LRPPRC: variants seen among roughly 807,000 people sequenced by gnomAD.
LRPPRC encodes the protein leucine-rich PPR motif-containing protein, mitochondrial.
LRPPRC carries 120 observed loss-of-function variants against 180.3 expected under a neutral mutation model. The observed-to-expected ratio is 0.67, with a 90% CI of 0.57 to 0.77. The LOEUF (loss-of-function observed/expected upper bound fraction) is 0.77, where lower values mean the gene tolerates loss of function less well. LRPPRC is among the 30% of genes least tolerant of loss of function. LRPPRC has a pLI of 0.00. For synonymous variants in LRPPRC, 723 were observed against 600.0 expected, an observed-to-expected ratio of 1.21 and a Z score of -3.00; for missense variants, 2,012 against 1,657.2, an observed-to-expected ratio of 1.21 and a Z score of -3.72.
chr2:43,891,064 G>A (rs1337277214), intron 36 of LRPPRC, among the ~76,000 whole-genome samples: 1 of 152,200 alleles, frequency 6.6e-6, no homozygotes, highest in Non-Finnish European at 1.5e-5. Flanking sequence ...TGGAATGAGG[G>A]TGACTCATCA....
intron 27 of LRPPRC, among the ~76,000 whole-genome samples, chr2:43,919,227 TC>T (rs1671608655): frequency 6.6e-6 from 1 of 152,054 alleles, no homozygotes; most frequent in Admixed American, 6.6e-5. Context: ...AACAGTTTCA[TC>T]CCCAAACCAT....
intron 31 of LRPPRC, chr2:43,904,701 C>CAAAACAAAAAAAA (rs1671005873): frequency 8.6e-6 from 1 of 116,026 alleles, no homozygotes; most frequent in African/African-American, 3.3e-5. Context: ...TCAAAAAAAA[C>CAAAACAAAAAAAA]AAAAACAAAA....
intron 23 of LRPPRC, among the ~76,000 whole-genome samples, chr2:43,943,102 G>A (rs1572949033): frequency 6.6e-6 from 1 of 151,990 alleles, no homozygotes; most frequent in East Asian, 1.9e-4. Flanking sequence ...TTACTAAAAT[G>A]TTTTATTCAT....
intron 14 of LRPPRC, among the ~76,000 whole-genome samples, chr2:43,955,772 T>TTCAC (rs1192253519): frequency 6.6e-6 from 1 of 152,042 alleles, no homozygotes; most frequent in African/African-American, 2.4e-5. Context: ...GAACTACCAA[T>TTCAC]AACTGATTCA....
chr2:43,963,895 T>TC, intron 11 of LRPPRC, 189 bp from the exon 12 acceptor site: 1 of 606,664 alleles, frequency 1.6e-6, no homozygotes, highest in Non-Finnish European at 2.9e-6. Context: ...CCTTTCTTCA[T>TC]CCCCCTCTGT....
intron 22 of LRPPRC, among the ~76,000 whole-genome samples, chr2:43,944,966 C>T (rs1453463658): frequency 3.4e-4 from 51 of 152,134 alleles, no homozygotes; most frequent in Admixed American, 2.0e-4. Context: ...ATAGGTTTTA[C>T]GTTTATAGGT....
intron 11 of LRPPRC, among the ~76,000 whole-genome samples, chr2:43,970,647 T>A (rs1173991450): frequency 6.6e-6 from 1 of 152,238 alleles, no homozygotes; most frequent in Non-Finnish European, 1.5e-5. Context: ...AAAGTCTCCA[T>A]TTAAAAAGTT....
At chr2:43,898,506 C>T (rs1025565527) in intron 34 of LRPPRC, among the ~76,000 whole-genome samples, 3 of 152,204 alleles carry the variant, frequency 2.0e-5, no homozygotes, top group Non-Finnish European at 2.9e-5. Flanking sequence ...GGCTCCCCGG[C>T]GGTGCCTGTT....
intron 11 of LRPPRC, chr2:43,963,929 A>T: frequency 1.7e-6 from 1 of 575,990 alleles, no homozygotes. Context: ...TCAAGAAACT[A>T]TCCTTGAAAT....
At chr2:43,937,500 G>A (rs972984512) in intron 23 of LRPPRC, among the ~76,000 whole-genome samples, 1 of 152,074 alleles carries the variant, frequency 6.6e-6, no homozygotes, top group African/African-American at 2.4e-5. Context: ...GAAAACTTAG[G>A]TGATGACGGA....
At chr2:43,973,432 T>A (rs999731806) in intron 11 of LRPPRC, among the ~76,000 whole-genome samples, 175 bp downstream of exon 11, 1 of 152,162 alleles carries the variant, frequency 6.6e-6, no homozygotes. Flanking sequence ...AAATCCATCA[T>A]GTTTTGTTTT....
chr2:43,978,109 G>A (rs868471428), intron 3 of LRPPRC, among the ~76,000 whole-genome samples: 7 of 152,052 alleles, frequency 4.6e-5, no homozygotes, highest in African/African-American at 1.7e-4. Flanking sequence ...CACATATAGT[G>A]GCTCACTCAA....
intron 12 of LRPPRC, among the ~76,000 whole-genome samples, chr2:43,961,129 A>T (rs2103663504): frequency 6.6e-6 from 1 of 152,328 alleles, no homozygotes; most frequent in South Asian, 2.1e-4. Context: ...AGCAATAAGC[A>T]AGGATAAAAA....
rs1674089617 is a variant in LRPPRC at position 43,977,066 on chromosome 2, G to A, written c.592-14C>T. ...CTGGTATGTCACCTGTCAATGAAAT[G>A]GGCCAGTTAATTTTAAATATACTTT... On this transcript the variant is annotated splice_polypyrimidine_tract_variant and intron_variant, in intron 4 of 37. Transcript: ENST00000260665. The A allele has an allele frequency of 6.2e-7, 1 of 1,611,902 alleles. No homozygotes were observed. Among genetic ancestry groups the A allele is most frequent in the East Asian group, 2.2e-5 (1 of 44,768 alleles).
At chr2:43,940,213 G>C (rs1384239805) in intron 23 of LRPPRC, among the ~76,000 whole-genome samples, 1 of 152,188 alleles carries the variant, frequency 6.6e-6, no homozygotes, top group African/African-American at 2.4e-5. Flanking sequence ...TGGAGTAAAA[G>C]AGCCAAACCT....
chr2:43,995,992 CAGG>C (rs1675050552), upstream of LRPPRC: 3 of 1,520,546 alleles, frequency 2.0e-6, no homozygotes, highest in East Asian at 2.6e-5. Flanking sequence ...GCCAGAAGGA[CAGG>C]AGGAGCATGT....
chr2:43,905,421 A>AT (rs777523789), intron 31 of LRPPRC, among the ~76,000 whole-genome samples: 5 of 152,196 alleles, frequency 3.3e-5, no homozygotes, highest in Non-Finnish European at 7.3e-5. Flanking sequence ...CAAATTTTGC[A>AT]TGTCTGAAGA....
At chr2:43,935,178 T>C (rs1478110475) in intron 23 of LRPPRC, among the ~76,000 whole-genome samples, 1 of 152,240 alleles carries the variant, frequency 6.6e-6, no homozygotes, top group Non-Finnish European at 1.5e-5. Flanking sequence ...TCTCTGATTT[T>C]ACTGTAAATT....
At chr2:43,888,845 G>C (rs1314887216) in intron 37 of LRPPRC, among the ~76,000 whole-genome samples, 189 bp from the exon 38 acceptor site, 1 of 152,156 alleles carries the variant, frequency 6.6e-6, no homozygotes, top group Non-Finnish European at 1.5e-5. Flanking sequence ...CGGGTTCAGA[G>C]TTAAAGCTAG....
Sources: gnomAD v4.1 joint callset for allele counts (sites outside exome capture counted in the v4.1 genomes callset) on GRCh38, gnomAD v4.1.1 for gene constraint, MANE v1.5 for transcripts, NCBI Gene and HGNC (gene_info 2026-07-23, HGNC 2026-07-21) for gene names.